Variants in CACNG2 observed in about 807,000 individuals in gnomAD.
The protein encoded by CACNG2 is voltage-dependent calcium channel gamma-2 subunit.
CACNG2 carries 3 observed loss-of-function variants against 25.9 expected under a neutral mutation model. The observed-to-expected ratio is 0.12, with a 90% CI of 0.05 to 0.30. The LOEUF is 0.30. CACNG2 is among the 10% of genes least tolerant of loss of function. The pLI, the probability that CACNG2 is intolerant of heterozygous loss-of-function variation, is 1.00. For missense variants in CACNG2, 341 were observed against 432.5 expected (o/e 0.79, Z 1.88); for synonymous variants, 167 against 173.3 (o/e 0.96, Z 0.29).
At chr22:36,684,701 C>A (rs1327069235) in intron 1 of CACNG2, among the ~76,000 whole-genome samples, 1 of 151,866 alleles carries the variant, frequency 6.6e-6, no homozygotes, top group Non-Finnish European at 1.5e-5. Flanking sequence ...GTGTTTTGAG[C>A]CTTCACTCAG....
chr22:36,572,198 TGTTCTAAGAGCG>T (rs1296436589), intron 2 of CACNG2, among the ~76,000 whole-genome samples: 1 of 152,196 alleles, frequency 6.6e-6, no homozygotes, highest in Non-Finnish European at 1.5e-5. Context: ...TACCAGGCCT[TGTTCTAAGAGCG>T]GTGTAAACCT....
At position 36,624,525 on chromosome 22, in the gene CACNG2, G is replaced by A. The variant is rs374004574; in HGVS notation, c.212-36977C>T. 2.1e-3 allele frequency among the ~76,000 whole-genome samples: 322 copies of A among 152,268 alleles called. 2 individuals are homozygous for A. The highest frequency in any genetic ancestry group is 7.4e-3 in the African/African-American group (307 of 41,550). The stretch of plus-strand genomic sequence containing the variant: ...CCAAAACTTCTGCCAGTGAAGACCA[G>A]CCTAAACTGTCTCCCTCCCTGCATA... On this transcript the variant is annotated intron_variant, in intron 1 of 3. Transcript: ENST00000300105.
intron 2 of CACNG2, among the ~76,000 whole-genome samples, chr22:36,577,223 C>T (rs1490925995): frequency 6.6e-6 from 1 of 152,208 alleles, no homozygotes; most frequent in African/African-American, 2.4e-5. Flanking sequence ...AAATCGTGCT[C>T]ATCATTCCAG....
chr22:36,682,228 C>T (rs956647800), intron 1 of CACNG2, among the ~76,000 whole-genome samples: 19 of 152,192 alleles, frequency 1.2e-4, no homozygotes, highest in African/African-American at 3.9e-4. Flanking sequence ...AGTGAAGAGA[C>T]GGAGTCCCAA....
In CACNG2 at chr22:36,579,314, G is replaced by A. The variant is rs558299656; in HGVS notation, c.295+8151C>T. 7.3e-5 allele frequency among the ~76,000 whole-genome samples: 10 copies of A among 137,836 alleles called. No homozygotes were observed. The South Asian group carries it at 2.3e-3, about 32-fold the overall frequency. The allele number at this position is 137,836 out of a possible 152,430, so 90.4% of individuals were successfully genotyped here. On this transcript the variant is annotated intron_variant, in intron 2 of 3. Transcript: ENST00000300105. ...AGCTACTTGGGAGGATGAGGCAGGAGAATCACTTGAACCCAGGAGGTGGAG... is the reference window on the plus strand; with the variant it reads ...AGCTACTTGGGAGGATGAGGCAGGAAAATCACTTGAACCCAGGAGGTGGAG...
intron 1 of CACNG2, among the ~76,000 whole-genome samples, chr22:36,645,536 CA>C (rs200600420): frequency 1.9e-4 from 25 of 134,850 alleles, no homozygotes; most frequent in African/African-American, 5.2e-4. Context: ...GACTCTGTCT[CA>C]AAAAAAAAAA....
intron 1 of CACNG2, among the ~76,000 whole-genome samples, chr22:36,680,992 T>A (rs957173845): frequency 2.0e-5 from 3 of 152,122 alleles, no homozygotes; most frequent in African/African-American, 7.2e-5. Context: ...ATTTATACAT[T>A]TATCCATTAA....
intron 1 of CACNG2, among the ~76,000 whole-genome samples, chr22:36,695,736 A>G (rs1937330756): frequency 6.6e-6 from 1 of 152,092 alleles, no homozygotes; most frequent in African/African-American, 2.4e-5. Flanking sequence ...TCCTGTGAAT[A>G]GCACTTATCA....
chr22:36,571,269 C>T (rs1935219306), intron 2 of CACNG2, among the ~76,000 whole-genome samples: 2 of 151,880 alleles, frequency 1.3e-5, no homozygotes, highest in Admixed American at 1.3e-4. Flanking sequence ...CCAACCTGGC[C>T]AGCATGGCGA....
At chr22:36,594,583 T>C (rs962852833) in intron 1 of CACNG2, among the ~76,000 whole-genome samples, 1 of 152,072 alleles carries the variant, frequency 6.6e-6, no homozygotes, top group Non-Finnish European at 1.5e-5. Context: ...CGAGGGAGTG[T>C]GTGGGTGACA....
intron 1 of CACNG2, among the ~76,000 whole-genome samples, chr22:36,634,483 G>C (rs1603502214): frequency 6.6e-6 from 1 of 152,158 alleles, no homozygotes. Flanking sequence ...AAGTGAGTGA[G>C]AAATAAACTT....
At chr22:36,584,257 G>C (rs892879192) in intron 2 of CACNG2, among the ~76,000 whole-genome samples, 2 of 152,174 alleles carry the variant, frequency 1.3e-5, no homozygotes, top group Non-Finnish European at 2.9e-5. Flanking sequence ...TTTAAGACCA[G>C]CCAGGCTAAC....
intron 1 of CACNG2, among the ~76,000 whole-genome samples, chr22:36,621,519 G>A (rs1936104922): frequency 6.6e-6 from 1 of 151,472 alleles, no homozygotes; most frequent in South Asian, 2.1e-4. Flanking sequence ...GCACTGAGCT[G>A]AGATGGTGCC....
In CACNG2 at chr22:36,561,749, G is replaced by T. The variant is rs970377749; in HGVS notation, c.*2602C>A. ...CTTGCAGACTGTTCTGAAATTTCCA[G>T]CTCAGGAAAGCTGTTGGATTTCTGT... On this transcript the variant is annotated 3_prime_UTR_variant, in exon 4 of 4. Coordinates refer to ENST00000300105, the MANE Select transcript of CACNG2 (RefSeq NM_006078.5). 6.6e-6 allele frequency: 1 copy of T among 152,220 alleles called. No individual in the cohort carries two copies. The highest frequency in any genetic ancestry group is 2.4e-5 in the African/African-American group (1 of 41,440). 9.4% of individuals were successfully genotyped at this position (152,220 alleles called of 1,614,324 possible).
At chr22:36,635,372 C>T (rs1936340888) in intron 1 of CACNG2, among the ~76,000 whole-genome samples, 1 of 151,836 alleles carries the variant, frequency 6.6e-6, no homozygotes, top group South Asian at 2.1e-4. Flanking sequence ...ATTCTCTTAG[C>T]AGGTATTCAT....
intron 1 of CACNG2, among the ~76,000 whole-genome samples, chr22:36,689,517 AT>A: frequency 6.6e-6 from 1 of 152,342 alleles, no homozygotes; most frequent in South Asian, 2.1e-4. Flanking sequence ...ACATTCAAAA[AT>A]TATCAAGTTA....
intron 1 of CACNG2, among the ~76,000 whole-genome samples, chr22:36,632,042 C>G (rs185056498): frequency 1.6e-3 from 243 of 152,198 alleles, no homozygotes; most frequent in Non-Finnish European, 2.7e-3. Context: ...TTGAAGAACA[C>G]GCCACACTGT....
intron 2 of CACNG2, among the ~76,000 whole-genome samples, chr22:36,574,986 G>A (rs1489771070): frequency 4.6e-5 from 7 of 152,336 alleles, no homozygotes; most frequent in African/African-American, 9.6e-5. Flanking sequence ...CACACAGAGA[G>A]CTTGCCTATG....
chr22:36,565,006 C>A, intron 3 of CACNG2, 120 bp from the exon 4 acceptor site: 1 of 855,230 alleles, frequency 1.2e-6, no homozygotes, highest in Non-Finnish European at 1.9e-6. Context: ...CCCGGTCCCG[C>A]GCCTTCATGA....
Sources: allele counts gnomAD v4.1 joint callset (sites outside exome capture counted in the v4.1 genomes callset), GRCh38; gene constraint gnomAD v4.1.1; transcripts MANE v1.5; gene names NCBI Gene and HGNC (gene_info 2026-07-23, HGNC 2026-07-21).